The following TRDMT1 variants were observed in gnomAD, a reference collection of about 807,000 sequenced individuals.
TRDMT1 encodes tRNA aspartic acid methyltransferase 1, also known as tRNA (cytosine(38)-C(5))-methyltransferase.
In TRDMT1, 49 loss-of-function variants were observed where a neutral mutation model predicts 51.2. The observed-to-expected ratio is 0.96, with a 90% CI of 0.76 to 1.21. The LOEUF (loss-of-function observed/expected upper bound fraction) is 1.21, where lower values mean the gene tolerates loss of function less well. Ranked by LOEUF, TRDMT1 falls within the 50% of genes most tolerant of loss-of-function variation. The pLI is 0.00. For synonymous variants in TRDMT1, 187 were observed against 164.6 expected (o/e 1.14, Z -1.04); for missense variants, 534 against 462.3 (o/e 1.16, Z -1.42).
chr10:17,159,405 T>C (rs1839997573), intron 6 of TRDMT1, among the ~76,000 whole-genome samples, 176 bp from the exon 7 acceptor site: 1 of 152,182 alleles, frequency 6.6e-6, no homozygotes, highest in Non-Finnish European at 1.5e-5. Flanking sequence ...TTTTAAACTA[T>C]TAAGTTGCTA....
chr10:17,147,420 AT>A lies in TRDMT1; in HGVS notation c.*1619del, dbSNP rs1838215977. On this transcript the variant is annotated 3_prime_UTR_variant, in exon 11 of 11. Coordinates refer to ENST00000377799, the MANE Select transcript of TRDMT1 (RefSeq NM_004412.7). ...AAATATACATAATGTAAAATTTATC[AT>A]TTTAACTATTTTTAAATATACAGTT... The A allele has an allele frequency of 1.2e-6, 1 of 864,746 alleles. No individual in the cohort carries two copies. 53.6% of individuals were successfully genotyped at this position (864,746 alleles called of 1,614,324 possible). A position where few individuals can be genotyped will look rare whatever the true frequency, so the allele number is the denominator to read the frequency against.
In TRDMT1 at chr10:17,141,624, T is replaced by C. The variant is rs1399257895; in HGVS notation, c.*7416A>G. Among the ~76,000 whole-genome samples the C allele has an allele frequency of 6.6e-6, 1 of 152,232 alleles. No homozygotes were observed. The highest frequency in any genetic ancestry group is 1.9e-4 in the East Asian group (1 of 5,200). On this transcript the variant is annotated 3_prime_UTR_variant, in exon 11 of 11. Coordinates refer to ENST00000377799, the MANE Select transcript of TRDMT1 (RefSeq NM_004412.7). ...TCCCCAAGGCTCTGTTAATTTTTTTTGTCAGCCTATCTTTGCCCTATCATT... is the reference window on the plus strand; with the variant it reads ...TCCCCAAGGCTCTGTTAATTTTTTTCGTCAGCCTATCTTTGCCCTATCATT...
rs1837823474 is a variant in TRDMT1 at position 17,143,175 on chromosome 10, G to C, written c.*5865C>G. On this transcript the variant is annotated 3_prime_UTR_variant, in exon 11 of 11. Transcript: ENST00000377799. ...TTAAAGACATTGTTTGAACTCCACA[G>C]TGTGGTGCTTTCTATGTAGCTTCAA... 1.0e-6 allele frequency: 1 copy of C among 985,434 alleles called. No individual in the cohort carries two copies. Among genetic ancestry groups the C allele is most frequent in the Non-Finnish European group, 1.2e-6 (1 of 829,936 alleles). The allele number at this position is 985,434 out of a possible 1,614,324, so 61.0% of individuals were successfully genotyped here.
intron 1 of TRDMT1, among the ~76,000 whole-genome samples, chr10:17,181,059 T>C (rs948005497): frequency 6.6e-6 from 1 of 152,144 alleles, no homozygotes; most frequent in South Asian, 2.1e-4. Context: ...TCCTCTTCAA[T>C]AACCAAACAT....
intron 1 of TRDMT1, among the ~76,000 whole-genome samples, chr10:17,186,501 T>C (rs1267791267): frequency 6.6e-6 from 1 of 152,150 alleles, no homozygotes; most frequent in Non-Finnish European, 1.5e-5. Context: ...CCACGTACTA[T>C]GGGCAGCCCC....
intron 1 of TRDMT1, 118 bp downstream of exon 1, chr10:17,201,453 C>T: frequency 8.9e-7 from 1 of 1,123,534 alleles, no homozygotes; most frequent in Middle Eastern, 2.1e-4. Context: ...GGCCGCCCCA[C>T]AGTGTCCGCC....
At chr10:17,172,615 A>G (rs904572425) in intron 2 of TRDMT1, among the ~76,000 whole-genome samples, 6 of 152,210 alleles carry the variant, frequency 3.9e-5, no homozygotes, top group African/African-American at 1.4e-4. Flanking sequence ...AAGAGACACT[A>G]AAGAAGGTTT....
chr10:17,200,839 A>G (rs1271204201), intron 1 of TRDMT1, among the ~76,000 whole-genome samples: 6 of 152,166 alleles, frequency 3.9e-5, no homozygotes, highest in Non-Finnish European at 1.5e-5. Context: ...ATAATGTATA[A>G]TATTTGGAGT....
rs1343664403 is a variant in TRDMT1, at chr10:17,140,152, G to T, written c.*8888C>A. ...CAACCTCCGCCTCCCAGGTTCCAGTGAGTCTCCTGCCTCAGCCTCCTGAAT... is the reference window on the plus strand; with the variant it reads ...CAACCTCCGCCTCCCAGGTTCCAGTTAGTCTCCTGCCTCAGCCTCCTGAAT... On this transcript the variant is annotated 3_prime_UTR_variant, in exon 11 of 11. Coordinates refer to ENST00000377799, the MANE Select transcript of TRDMT1 (RefSeq NM_004412.7). Among the ~76,000 whole-genome samples the T allele has an allele frequency of 7.0e-6, 1 of 142,152 alleles. No homozygotes were observed. Among genetic ancestry groups the T allele is most frequent in the Admixed American group, 7.4e-5 (1 of 13,488 alleles). The allele number at this position is 142,152 out of a possible 152,430, so 93.3% of individuals were successfully genotyped here. A position where few individuals can be genotyped will look rare whatever the true frequency, so the allele number is the denominator to read the frequency against.
chr10:17,151,672 A>T, intron 10 of TRDMT1: 1 of 949,952 alleles, frequency 1.1e-6, no homozygotes, highest in Non-Finnish European at 1.3e-6. Context: ...GCTTTGAAAA[A>T]TTCTATTTCA....
intron 1 of TRDMT1, among the ~76,000 whole-genome samples, chr10:17,194,930 CTCAAAAAAAAAAAAAAG>C (rs1480738725): frequency 5.6e-5 from 2 of 35,792 alleles, no homozygotes; most frequent in Non-Finnish European, 1.3e-4. Flanking sequence ...AAGAATCCGA[CTCAAAAAAAAAAAAAAG>C]TCAAAAAAAA....
rs1477794883 is a variant in TRDMT1, at chr10:17,140,617, C to G, written c.*8423G>C. ...CATCAAGATGCAAATGAGGTAGCAA[C>G]TTACAAGCTTACAATGAACAGACTC... On this transcript the variant is annotated 3_prime_UTR_variant, in exon 11 of 11. Coordinates refer to ENST00000377799, the MANE Select transcript of TRDMT1 (RefSeq NM_004412.7). Among the ~76,000 whole-genome samples, 1 of 152,046 alleles carries G rather than the reference C, an allele frequency of 6.6e-6. No individual in the cohort carries two copies. The highest frequency in any genetic ancestry group is 1.5e-5 in the Non-Finnish European group (1 of 68,004).
At chr10:17,151,077 T>C in intron 10 of TRDMT1, 1 of 866,396 alleles carries the variant, frequency 1.2e-6, no homozygotes, top group Non-Finnish European at 1.4e-6. Context: ...GCAAAAGCAT[T>C]GCAGTTTTTG....
rs1837878216 is a variant in TRDMT1 at position 17,143,819 on chromosome 10, C to T, written c.*5221G>A. On this transcript the variant is annotated 3_prime_UTR_variant, in exon 11 of 11. Coordinates refer to ENST00000377799, the MANE Select transcript of TRDMT1 (RefSeq NM_004412.7). ...ATGATCTTTGGTTATGAAGCTTGAA[C>T]TTGGAAGATGTGGAGACTAACCGTA... 15 of 985,284 alleles carry T rather than the reference C, an allele frequency of 1.5e-5. No homozygotes were observed. Among genetic ancestry groups the T allele is most frequent in the African/African-American group, 1.7e-5 (1 of 57,218 alleles). The allele number at this position is 985,284 out of a possible 1,614,324, so 61.0% of individuals were successfully genotyped here. A position where few individuals can be genotyped will look rare whatever the true frequency, so the allele number is the denominator to read the frequency against.
chr10:17,170,934 T>C (rs150328113), intron 2 of TRDMT1, among the ~76,000 whole-genome samples: 23 of 152,340 alleles, frequency 1.5e-4, no homozygotes, highest in African/African-American at 5.0e-4. Flanking sequence ...TTTTCCGGCA[T>C]ACTCAATCAC....
chr10:17,162,822 A>T (rs1840597599), intron 3 of TRDMT1, among the ~76,000 whole-genome samples: 1 of 152,210 alleles, frequency 6.6e-6, no homozygotes, highest in South Asian at 2.1e-4. Flanking sequence ...AGTACACTTA[A>T]AATTTATCTT....
intron 3 of TRDMT1, among the ~76,000 whole-genome samples, chr10:17,167,443 G>C (rs189862591): frequency 6.6e-6 from 1 of 152,040 alleles, no homozygotes; most frequent in African/African-American, 2.4e-5. Flanking sequence ...AACAGCAATG[G>C]CTACCCCATA....
At chr10:17,191,772 T>C (rs974008248) in intron 1 of TRDMT1, among the ~76,000 whole-genome samples, 1 of 152,028 alleles carries the variant, frequency 6.6e-6, no homozygotes, top group African/African-American at 2.4e-5. Flanking sequence ...TCCTTTCTCA[T>C]CCTGTCTGTT....
chr10:17,153,704 G>A, intron 9 of TRDMT1, 68 bp from the exon 10 acceptor site: 2 of 1,472,106 alleles, frequency 1.4e-6, no homozygotes, highest in Non-Finnish European at 1.8e-6. Context: ...CCTGCTGTGA[G>A]ATAGTTGAAA....
Sources: allele counts gnomAD v4.1 joint callset (sites outside exome capture counted in the v4.1 genomes callset), GRCh38; gene constraint gnomAD v4.1.1; transcripts MANE v1.5; gene names NCBI Gene and HGNC (gene_info 2026-07-23, HGNC 2026-07-21).